The following CEP170 variants were observed in gnomAD, a reference collection of about 807,000 sequenced individuals.
CEP170 encodes the protein centrosomal protein of 170 kDa.
A neutral mutation model predicts 151.9 loss-of-function variants in CEP170; 21 were observed. The ratio of observed to expected loss-of-function variants is 0.14; its 90% CI spans 0.10 to 0.20. CEP170 has a LOEUF of 0.20. Ranked by LOEUF, CEP170 falls within the 10% of genes least tolerant of loss-of-function variation. The pLI, the probability that CEP170 is intolerant of heterozygous loss-of-function variation, is 1.00. For missense variants in CEP170, 964 were observed against 1,892.9 expected, an observed-to-expected ratio of 0.51 and a Z score of 9.11; for synonymous variants, 356 against 648.8, an observed-to-expected ratio of 0.55 and a Z score of 6.86.
intron 7 of CEP170, among the ~76,000 whole-genome samples, chr1:243,193,240 TTAA>T (rs1427527135): frequency 1.2e-4 from 18 of 152,280 alleles, no homozygotes; most frequent in Middle Eastern, 6.8e-3. Flanking sequence ...TAATAGTTCA[TTAA>T]TGTTATTTTT....
chr1:243,168,232 C>T (rs1402560206), intron 12 of CEP170: 2 of 151,940 alleles, frequency 1.3e-5, no homozygotes, highest in Admixed American at 6.6e-5. Flanking sequence ...TTTTCTAGTA[C>T]ACTGCTATGT....
At chr1:243,226,995 A>G (rs946068952) in intron 1 of CEP170, among the ~76,000 whole-genome samples, 9 of 152,214 alleles carry the variant, frequency 5.9e-5, no homozygotes, top group African/African-American at 2.2e-4. Flanking sequence ...GTCTCAAAAA[A>G]ACAAAAAAAG....
chr1:243,187,381 T>TA (rs767119230), intron 8 of CEP170, among the ~76,000 whole-genome samples: 1 of 152,230 alleles, frequency 6.6e-6, no homozygotes, highest in Non-Finnish European at 1.5e-5. Context: ...AAGTATATGA[T>TA]AAAAATAATC....
intron 17 of CEP170, among the ~76,000 whole-genome samples, chr1:243,131,013 A>C (rs915251317): frequency 2.6e-5 from 4 of 152,036 alleles, no homozygotes; most frequent in African/African-American, 9.7e-5. Flanking sequence ...ATAGAGAAAG[A>C]CTCTGTTTAG....
At chr1:243,199,824 T>C (rs1257906529) in intron 6 of CEP170, among the ~76,000 whole-genome samples, 1 of 151,984 alleles carries the variant, frequency 6.6e-6, no homozygotes, top group Non-Finnish European at 1.5e-5. Context: ...TGCCTAGAAT[T>C]GTAAATTATT....
At chr1:243,204,948 T>C (rs958946104) in intron 4 of CEP170, among the ~76,000 whole-genome samples, 1 of 152,034 alleles carries the variant, frequency 6.6e-6, no homozygotes, top group Non-Finnish European at 1.5e-5. Context: ...CATGATACAA[T>C]GTTTTACAAG....
chr1:243,226,031 ATATC>A (rs1376115862), intron 1 of CEP170, among the ~76,000 whole-genome samples: 67 of 125,242 alleles, frequency 5.3e-4, no homozygotes, highest in Non-Finnish European at 8.7e-4. Flanking sequence ...ACACGTATAT[ATATC>A]TATCTCTAGA....
chr1:243,175,229 A>AGGGG (rs2059147518), intron 10 of CEP170: 1 of 152,218 alleles, frequency 6.6e-6, no homozygotes, highest in Non-Finnish European at 1.5e-5. Flanking sequence ...CCTGTGAGGA[A>AGGGG]GGGGAGCTGA....
intron 19 of CEP170, among the ~76,000 whole-genome samples, chr1:243,127,852 T>C: frequency 6.6e-6 from 1 of 152,190 alleles, no homozygotes; most frequent in East Asian, 1.9e-4. Flanking sequence ...CTATTATTTC[T>C]ATTAGAATGT....
intron 13 of CEP170, among the ~76,000 whole-genome samples, chr1:243,158,212 G>T (rs993360457): frequency 6.6e-6 from 1 of 152,134 alleles, no homozygotes; most frequent in African/African-American, 2.4e-5. Flanking sequence ...ATCAGAAATA[G>T]TGTAAACAAA....
At chr1:243,132,695 C>CA (rs199680712) in intron 17 of CEP170, among the ~76,000 whole-genome samples, 15,288 of 152,152 alleles carry the variant, frequency 0.1, 994 homozygotes, top group Non-Finnish European at 0.14. Flanking sequence ...GTCAAAGCTA[C>CA]AAAAAATATT....
intron 3 of CEP170, among the ~76,000 whole-genome samples, chr1:243,217,428 C>G (rs1050580651): frequency 6.6e-6 from 1 of 152,120 alleles, no homozygotes; most frequent in Non-Finnish European, 1.5e-5. Flanking sequence ...CCTAGAAGAT[C>G]CATTTAAGTT....
At chr1:243,244,103 AAC>A (rs1451269812) in intron 1 of CEP170, among the ~76,000 whole-genome samples, 2 of 152,206 alleles carry the variant, frequency 1.3e-5, no homozygotes, top group Non-Finnish European at 2.9e-5. Context: ...ACTTTAGTTA[AAC>A]ACACACAAAT....
chr1:243,140,044 T>C lies in CEP170; in HGVS notation c.4123A>G (p.Lys1375Glu). ...FRKIPPLVHS[K>E]TPEGNNGRSG... is the part of the protein sequence containing the mutation. ...CGACCGTTGTTTCCTTCTGGTGTTT[T>C]GGAATGAACTAATGGAGGAATCTTT... The change falls in exon 16 of 20, where the codon AAA becomes GAA. Residue 1375 changes from lysine to glutamate, a missense_variant. Transcript: ENST00000366542. 2.5e-6 allele frequency: 4 copies of C among 1,613,988 alleles called. No individual in the cohort carries two copies. Among genetic ancestry groups the C allele is most frequent in the Non-Finnish European group, 3.4e-6 (4 of 1,179,860 alleles).
At chr1:243,250,680 A>G (rs1277727378) in intron 1 of CEP170, among the ~76,000 whole-genome samples, 2 of 152,248 alleles carry the variant, frequency 1.3e-5, no homozygotes, top group Non-Finnish European at 2.9e-5. Flanking sequence ...AAGGCCATTT[A>G]TGAACATTAG....
intron 14 of CEP170, among the ~76,000 whole-genome samples, 184 bp downstream of exon 14, chr1:243,156,037 G>A (rs2057517946): frequency 2.6e-5 from 4 of 151,688 alleles, no homozygotes; most frequent in Admixed American, 2.0e-4. Context: ...AGTGGTATAG[G>A]CATAGAAAAA....
At chr1:243,250,855 G>T (rs1370862105) in intron 1 of CEP170, among the ~76,000 whole-genome samples, 2 of 152,144 alleles carry the variant, frequency 1.3e-5, no homozygotes, top group African/African-American at 2.4e-5. Flanking sequence ...CAAGTGTATG[G>T]CTTGAAATAA....
chr1:243,226,193 A>G (rs1482133290), intron 1 of CEP170, among the ~76,000 whole-genome samples: 345 of 24,838 alleles, frequency 0.014, 8 homozygotes, highest in African/African-American at 0.034. Flanking sequence ...AGATATATAT[A>G]TCTAGATATA....
chr1:243,126,684 C>A lies in CEP170; in HGVS notation c.4520G>T (p.Gly1507Val), dbSNP rs1160834283. 2 of 1,546,042 alleles carry A rather than the reference C, an allele frequency of 1.3e-6. No individual in the cohort carries two copies. Among genetic ancestry groups the A allele is most frequent in the Admixed American group, 4.0e-5 (2 of 50,426 alleles). Residue 1507 changes from glycine to valine, a missense_variant, in exon 20 of 20, where the codon GGA becomes GTA. By Grantham distance (109) the Gly-to-Val change is moderately radical. Transcript: ENST00000366542. Reference protein sequence around the residue: ...DGTLEALNNMGFPSAMLPSPP... With the variant: ...DGTLEALNNMVFPSAMLPSPP... ...AGATGGCAACATAGCACTGGGAAAT[C>A]CCATGTTGTTCAGAGCCTCCAAAGT...
Sources: gnomAD v4.1 joint callset for allele counts (sites outside exome capture counted in the v4.1 genomes callset) on GRCh38, gnomAD v4.1.1 for gene constraint, MANE v1.5 for transcripts, NCBI Gene and HGNC (gene_info 2026-07-23, HGNC 2026-07-21) for gene names.